The following DOCK10 variants were observed in gnomAD, a reference collection of about 807,000 sequenced individuals.
The protein encoded by DOCK10 is dedicator of cytokinesis 10.
A neutral mutation model predicts 280.1 loss-of-function variants in DOCK10; 145 were observed. That is an observed-to-expected ratio of 0.52 (90% CI 0.45 to 0.59). The LOEUF is 0.59. Ranked by LOEUF, DOCK10 falls within the 20% of genes least tolerant of loss-of-function variation. The pLI, the probability that DOCK10 is intolerant of heterozygous loss-of-function variation, is 0.00. For missense variants in DOCK10, 2,368 were observed against 2,651.7 expected, an observed-to-expected ratio of 0.89 and a Z score of 2.35; for synonymous variants, 915 against 942.2, an observed-to-expected ratio of 0.97 and a Z score of 0.53.
chr2:224,864,409 C>G (rs1163378711), intron 13 of DOCK10, 144 bp downstream of exon 13: 11 of 771,530 alleles, frequency 1.4e-5, no homozygotes, highest in Non-Finnish European at 2.1e-5. Flanking sequence ...ACTGGGGAGG[C>G]TGAGGCAAGA....
At chr2:224,883,714 T>C (rs960218616) in intron 7 of DOCK10, among the ~76,000 whole-genome samples, 1 of 152,158 alleles carries the variant, frequency 6.6e-6, no homozygotes, top group Non-Finnish European at 1.5e-5. Context: ...TTTTTTTCCA[T>C]GACAATGTTT....
intron 1 of DOCK10, among the ~76,000 whole-genome samples, chr2:224,938,188 T>G (rs1375620340): frequency 6.6e-6 from 1 of 152,242 alleles, no homozygotes; most frequent in East Asian, 1.9e-4. Flanking sequence ...AGAAGTTGTA[T>G]GTTCTTTCTG....
rs561200721 is a variant in DOCK10, at chr2:224,783,499, C to T, written c.5655+3523G>A. ...CTGTGTTAGCCAGGATGGTCTTCATCTCCTGACCTTGTGATCTGCCCACCT... is the reference window on the plus strand; with the variant it reads ...CTGTGTTAGCCAGGATGGTCTTCATTTCCTGACCTTGTGATCTGCCCACCT... On this transcript the variant is annotated intron_variant, in intron 50 of 55. Coordinates refer to ENST00000258390, the MANE Select transcript of DOCK10 (RefSeq NM_014689.3). Among the ~76,000 whole-genome samples the T allele has an allele frequency of 6.6e-5, 10 of 152,208 alleles. No individual in the cohort carries two copies. In the East Asian group the frequency reaches 1.9e-3, roughly 29 times the overall value.
At chr2:224,921,106 A>ATATATATATATATATATATAT (rs1553613917) in intron 2 of DOCK10, among the ~76,000 whole-genome samples, 3 of 57,834 alleles carry the variant, frequency 5.2e-5, no homozygotes, top group African/African-American at 2.9e-4. Flanking sequence ...AAAAAAAAAA[A>ATATATATATATATATATATAT]AAAAAAATAT....
At chr2:224,828,779 A>G (rs1403132139) in intron 27 of DOCK10, among the ~76,000 whole-genome samples, 1 of 151,640 alleles carries the variant, frequency 6.6e-6, no homozygotes, top group African/African-American at 2.4e-5. Flanking sequence ...AGAGGGACCG[A>G]CTCTCAGGGA....
chr2:224,892,397 C>CAAAAAAAAAAAAAA (rs1174651393), intron 4 of DOCK10, among the ~76,000 whole-genome samples: 9 of 52,236 alleles, frequency 1.7e-4, no homozygotes, highest in Non-Finnish European at 2.0e-4. Context: ...GACCCTGTCT[C>CAAAAAAAAAAAAAA]AAAAAAAAAA....
intron 7 of DOCK10, among the ~76,000 whole-genome samples, chr2:224,881,720 T>C (rs546982277): frequency 6.6e-6 from 1 of 152,270 alleles, no homozygotes; most frequent in African/African-American, 2.4e-5. Flanking sequence ...AAACCACAAG[T>C]ATAATTTTGG....
chr2:224,831,757 G>A (rs565223231), intron 26 of DOCK10, among the ~76,000 whole-genome samples: 14 of 152,236 alleles, frequency 9.2e-5, no homozygotes, highest in South Asian at 8.3e-4. Context: ...CCTCCCTGCC[G>A]CAAATAGCTC....
At chr2:224,964,209 T>C (rs1406626437) in intron 1 of DOCK10, among the ~76,000 whole-genome samples, 1 of 152,220 alleles carries the variant, frequency 6.6e-6, no homozygotes, top group Non-Finnish European at 1.5e-5. Flanking sequence ...TCAAAGTGAA[T>C]TAGAACAACT....
chr2:224,979,474 G>A (rs916303300), intron 1 of DOCK10, among the ~76,000 whole-genome samples: 2 of 152,154 alleles, frequency 1.3e-5, no homozygotes, highest in African/African-American at 2.4e-5. Context: ...AGGTCTTCCT[G>A]ATAGCTGTGT....
At chr2:224,981,990 G>C (rs1480477776) in intron 1 of DOCK10, among the ~76,000 whole-genome samples, 1 of 152,170 alleles carries the variant, frequency 6.6e-6, no homozygotes, top group Non-Finnish European at 1.5e-5. Flanking sequence ...GGTAGACCGA[G>C]AAGCTGTACA....
intron 1 of DOCK10, among the ~76,000 whole-genome samples, chr2:224,962,181 C>G: frequency 6.6e-6 from 1 of 152,144 alleles, no homozygotes; most frequent in East Asian, 1.9e-4. Flanking sequence ...AGCAGTTTGA[C>G]CAAGATACTT....
intron 3 of DOCK10, among the ~76,000 whole-genome samples, chr2:224,908,765 G>A (rs1403752829): frequency 2.6e-5 from 4 of 152,102 alleles, no homozygotes; most frequent in Admixed American, 1.3e-4. Flanking sequence ...CCAAAGTGCT[G>A]GGATTACTGG....
intron 31 of DOCK10, among the ~76,000 whole-genome samples, chr2:224,811,313 C>A (rs1421612708): frequency 2.0e-5 from 3 of 152,120 alleles, no homozygotes; most frequent in Non-Finnish European, 4.4e-5. Context: ...ATATGCTTTG[C>A]CCACTTTTTG....
chr2:224,957,285 G>GGCCCCCCCC (rs1553622524), intron 1 of DOCK10, among the ~76,000 whole-genome samples: 1 of 118,614 alleles, frequency 8.4e-6, no homozygotes, highest in Non-Finnish European at 1.8e-5. Context: ...TTTACTTTCC[G>GGCCCCCCCC]CCCCCCCCCG....
At chr2:224,858,636 G>C (rs1697301947) in intron 14 of DOCK10, among the ~76,000 whole-genome samples, 1 of 152,216 alleles carries the variant, frequency 6.6e-6, no homozygotes, top group Non-Finnish European at 1.5e-5. Flanking sequence ...CCTGGTGACA[G>C]AGCGAGACTC....
At chr2:225,018,945 ATG>A (rs1689707515) in intron 1 of DOCK10, among the ~76,000 whole-genome samples, 1 of 150,160 alleles carries the variant, frequency 6.7e-6, no homozygotes, top group Non-Finnish European at 1.5e-5. Flanking sequence ...ATGTGTATAT[ATG>A]TATATATGTG....
chr2:224,908,517 A>G (rs1021210261), intron 3 of DOCK10, among the ~76,000 whole-genome samples: 1 of 151,912 alleles, frequency 6.6e-6, no homozygotes, highest in African/African-American at 2.4e-5. Flanking sequence ...TTCTACGGAC[A>G]GAGTCTCACT....
intron 1 of DOCK10, among the ~76,000 whole-genome samples, chr2:224,994,771 T>TAC (rs913703227): frequency 6.6e-6 from 1 of 152,174 alleles, no homozygotes; most frequent in South Asian, 2.1e-4. Flanking sequence ...AGCAAATTTT[T>TAC]ACACACACAC....
Sources: gnomAD v4.1 joint callset for allele counts (sites outside exome capture counted in the v4.1 genomes callset) on GRCh38, gnomAD v4.1.1 for gene constraint, MANE v1.5 for transcripts, NCBI Gene and HGNC (gene_info 2026-07-23, HGNC 2026-07-21) for gene names.